Variants in CAST observed in about 807,000 individuals in gnomAD.
CAST encodes calpastatin, also known as MIR583 host.
Under a neutral mutation model 119.6 loss-of-function variants are expected in CAST, and 76 were observed. That is an observed-to-expected ratio of 0.64 (90% CI 0.53 to 0.77). The LOEUF (loss-of-function observed/expected upper bound fraction) is 0.77, where lower values mean the gene tolerates loss of function less well. CAST is among the 30% of genes least tolerant of loss of function. The pLI, the probability that CAST is intolerant of heterozygous loss-of-function variation, is 0.00. For missense variants in CAST, 953 were observed against 946.5 expected, an observed-to-expected ratio of 1.01 and a Z score of -0.09; for synonymous variants, 319 against 331.6, an observed-to-expected ratio of 0.96 and a Z score of 0.41.
At chr5:96,458,532 C>T in the CAST span, among the ~76,000 whole-genome samples, 1 of 152,048 alleles carries the variant, frequency 6.6e-6, no homozygotes, top group Admixed American at 6.5e-5. Context: ...CATCACCCAC[C>T]ACAATTTAAT....
chr5:96,075,940 G>T, the CAST span, among the ~76,000 whole-genome samples: 2 of 152,164 alleles, frequency 1.3e-5, no homozygotes, highest in Admixed American at 6.5e-5. Flanking sequence ...CAGGCTAAGG[G>T]GAACTGGAAC....
the CAST span, among the ~76,000 whole-genome samples, chr5:96,185,522 T>C: frequency 6.6e-6 from 1 of 152,356 alleles, no homozygotes; most frequent in Admixed American, 6.5e-5. Context: ...AGTTAATTTT[T>C]GTATATGGCA....
upstream of CAST, among the ~76,000 whole-genome samples, chr5:96,520,573 G>A (rs1158942351): frequency 6.7e-6 from 1 of 149,418 alleles, no homozygotes. Flanking sequence ...GTATGTGTGT[G>A]TGTCTGTGTG....
chr5:96,637,294 C>T (rs1253624878), intron 1 of CAST, among the ~76,000 whole-genome samples: 3 of 152,108 alleles, frequency 2.0e-5, no homozygotes, highest in Non-Finnish European at 4.4e-5. Context: ...GAAACTAAAG[C>T]ACAGGGAGGC....
intron 1 of CAST, among the ~76,000 whole-genome samples, chr5:96,641,110 C>T (rs1225667791): frequency 1.3e-5 from 2 of 152,208 alleles, no homozygotes; most frequent in East Asian, 3.9e-4. Flanking sequence ...TGATGTTTGC[C>T]TTTAAAGGGG....
intron 1 of CAST, among the ~76,000 whole-genome samples, chr5:96,577,491 T>G (rs1419645821): frequency 2.6e-5 from 4 of 152,048 alleles, no homozygotes; most frequent in Non-Finnish European, 5.9e-5. Flanking sequence ...ATTTGAGACT[T>G]TTCCTTGTTT....
chr5:96,683,470 T>C (rs1365045818), intron 2 of CAST, among the ~76,000 whole-genome samples: 2 of 152,218 alleles, frequency 1.3e-5, no homozygotes, highest in Admixed American at 6.5e-5. Context: ...AGCTCCTCTA[T>C]TCTAGTTTGC....
At chr5:96,315,938 A>C in the CAST span, among the ~76,000 whole-genome samples, 1 of 152,106 alleles carries the variant, frequency 6.6e-6, no homozygotes, top group Non-Finnish European at 1.5e-5. Flanking sequence ...GTGACATGAG[A>C]GAGAAGCTGT....
At chr5:96,210,101 C>T in the CAST span, 3 of 151,640 alleles carry the variant, frequency 2.0e-5, no homozygotes, top group Non-Finnish European at 2.9e-5. Context: ...GAGAGTCATT[C>T]CTCAGCTGGG....
chr5:96,240,718 C>T, the CAST span, among the ~76,000 whole-genome samples: 2 of 147,714 alleles, frequency 1.4e-5, no homozygotes, highest in African/African-American at 2.5e-5. Flanking sequence ...TGCATGTCAC[C>T]TTGCCCAGCT....
chr5:96,477,922 G>A, the CAST span, among the ~76,000 whole-genome samples: 1 of 152,258 alleles, frequency 6.6e-6, no homozygotes, highest in Non-Finnish European at 1.5e-5. Context: ...CTAGGCCAGA[G>A]GCAGTGCCAT....
At chr5:96,100,241 G>A in the CAST span, among the ~76,000 whole-genome samples, 4 of 152,078 alleles carry the variant, frequency 2.6e-5, no homozygotes, top group Non-Finnish European at 4.4e-5. Flanking sequence ...TTATTTTCCC[G>A]CATCTGGCTT....
chr5:96,713,523 G>T (rs1482907284), intron 3 of CAST, among the ~76,000 whole-genome samples: 3 of 152,144 alleles, frequency 2.0e-5, no homozygotes, highest in Non-Finnish European at 4.4e-5. Context: ...ACAGGTATAT[G>T]CTCTTGCTAC....
chr5:96,153,949 T>C, the CAST span, among the ~76,000 whole-genome samples: 1 of 152,160 alleles, frequency 6.6e-6, no homozygotes, highest in South Asian at 2.1e-4. Context: ...AGGGTCTCAA[T>C]ATGTTATTAT....
chr5:96,448,736 C>T, the CAST span, among the ~76,000 whole-genome samples: 1 of 151,892 alleles, frequency 6.6e-6, no homozygotes, highest in Non-Finnish European at 1.5e-5. Flanking sequence ...GGAGTCTGGG[C>T]TAGTATACTG....
intron 3 of CAST, among the ~76,000 whole-genome samples, chr5:96,708,688 A>G (rs1755504158): frequency 6.6e-6 from 1 of 152,104 alleles, no homozygotes; most frequent in Non-Finnish European, 1.5e-5. Context: ...ACAGGGTTTC[A>G]TCATGTTTCC....
the CAST span, among the ~76,000 whole-genome samples, chr5:96,460,989 C>G: frequency 1.3e-5 from 2 of 152,234 alleles, no homozygotes; most frequent in Admixed American, 6.5e-5. Flanking sequence ...TCTCCCTCCC[C>G]CAAAACCCCA....
At chr5:96,077,942 C>CTA in the CAST span, among the ~76,000 whole-genome samples, 1 of 152,194 alleles carries the variant, frequency 6.6e-6, no homozygotes, top group Non-Finnish European at 1.5e-5. Flanking sequence ...GCTGGATTAC[C>CTA]TATGCTATAG....
chr5:96,762,454 A>G, intron 25 of CAST, 82 bp downstream of exon 25: 1 of 940,864 alleles, frequency 1.1e-6, no homozygotes. Context: ...GTTTAAAGCA[A>G]ATGAAAATAG....
Sources: allele counts gnomAD v4.1 joint callset (sites outside exome capture counted in the v4.1 genomes callset), GRCh38; gene constraint gnomAD v4.1.1; transcripts MANE v1.5; gene names NCBI Gene and HGNC (gene_info 2026-07-23, HGNC 2026-07-21).